Variants in TTLL7 observed in about 807,000 individuals in gnomAD.
The protein encoded by TTLL7 is tubulin polyglutamylase TTLL7.
In TTLL7, 53 loss-of-function variants were observed where a neutral mutation model predicts 120.2. The observed-to-expected ratio is 0.44, with a 90% CI of 0.35 to 0.55. The LOEUF is 0.55. Among genes scored for constraint, TTLL7 ranks in the 20% least tolerant of loss-of-function variants. The pLI is 0.00. For synonymous variants in TTLL7, 353 were observed against 351.7 expected, an observed-to-expected ratio of 1.00 and a Z score of -0.04; for missense variants, 803 against 1,054.7, an observed-to-expected ratio of 0.76 and a Z score of 3.31.
intron 14 of TTLL7, among the ~76,000 whole-genome samples, chr1:83,915,106 A>G (rs1658023953): frequency 6.6e-6 from 1 of 152,184 alleles, no homozygotes; most frequent in South Asian, 2.1e-4. Context: ...ACAGCGGTTC[A>G]GCTGAAATAG....
chr1:83,919,558 C>T, intron 13 of TTLL7, 141 bp downstream of exon 13: 1 of 736,442 alleles, frequency 1.4e-6, no homozygotes, highest in Non-Finnish European at 2.1e-6. Flanking sequence ...TGAAATGTTA[C>T]CAACTGTTAA....
intron 1 of TTLL7, among the ~76,000 whole-genome samples, chr1:83,986,331 T>C (rs1262317402): frequency 1.3e-5 from 2 of 152,192 alleles, no homozygotes; most frequent in African/African-American, 4.8e-5. Flanking sequence ...AATAAATCAA[T>C]GTAACCTACC....
At chr1:83,906,065 CTT>C (rs1224084094) in intron 17 of TTLL7, among the ~76,000 whole-genome samples, 1 of 151,970 alleles carries the variant, frequency 6.6e-6, no homozygotes, top group East Asian at 1.9e-4. Flanking sequence ...ATTATTCTGA[CTT>C]GATGAAGCAG....
rs931514427 is a variant in TTLL7, at chr1:83,948,327, A to G, written c.347+301T>C. On this transcript the variant is annotated intron_variant, in intron 5 of 20. Transcript: ENST00000260505. The stretch of plus-strand genomic sequence containing the variant: ...CATTTAAATGAAAAACTCTGTTACT[A>G]AAGAGGCAACAAGTTGCAGTAAAGA... Among the ~76,000 whole-genome samples the G allele has an allele frequency of 3.9e-5, 6 of 152,180 alleles. No individual in the cohort carries two copies. The South Asian group carries it at 1.0e-3, about 26-fold the overall frequency.
At chr1:83,882,661 T>C in intron 20 of TTLL7, 1 of 237,282 alleles carries the variant, frequency 4.2e-6, no homozygotes, top group Non-Finnish European at 8.1e-6. Flanking sequence ...AGAAGTTAAA[T>C]ATATTACCAC....
intron 1 of TTLL7, among the ~76,000 whole-genome samples, chr1:83,976,033 C>CTGTGTGTGTGTG (rs34596192): frequency 6.8e-6 from 1 of 147,834 alleles, no homozygotes; most frequent in Non-Finnish European, 1.5e-5. Context: ...TTGTCTCTCT[C>CTGTGTGTGTGTG]TGTGTGTGTG....
chr1:83,973,455 T>C (rs2100577092), intron 1 of TTLL7, among the ~76,000 whole-genome samples: 1 of 152,248 alleles, frequency 6.6e-6, no homozygotes. Context: ...AATACCATAC[T>C]GTTTCAATTG....
intron 1 of TTLL7, among the ~76,000 whole-genome samples, chr1:83,959,131 T>C (rs1193072788): frequency 6.6e-6 from 1 of 152,240 alleles, no homozygotes; most frequent in Non-Finnish European, 1.5e-5. Context: ...AATGCTGAAC[T>C]TGAGCATCAG....
intron 13 of TTLL7, 39 bp from the exon 14 acceptor site, chr1:83,917,729 G>T: frequency 1.5e-6 from 2 of 1,376,334 alleles, no homozygotes; most frequent in Admixed American, 3.6e-5. Flanking sequence ...AACCACTAAT[G>T]GACTCTAGAA....
At chr1:83,958,021 T>A (rs1420655693) in intron 1 of TTLL7, among the ~76,000 whole-genome samples, 1 of 152,212 alleles carries the variant, frequency 6.6e-6, no homozygotes, top group African/African-American at 2.4e-5. Context: ...AATTAAACTC[T>A]ATCCTGAGCT....
At chr1:83,886,564 G>A (rs1055662258) in intron 19 of TTLL7, among the ~76,000 whole-genome samples, 3 of 151,910 alleles carry the variant, frequency 2.0e-5, no homozygotes, top group Non-Finnish European at 2.9e-5. Flanking sequence ...AATAGACTAC[G>A]CCTTAGAATA....
intron 1 of TTLL7, among the ~76,000 whole-genome samples, chr1:83,996,028 T>C (rs1653446367): frequency 6.6e-6 from 1 of 152,108 alleles, no homozygotes; most frequent in African/African-American, 2.4e-5. Flanking sequence ...AATATAAAAG[T>C]AATATAGATA....
chr1:83,934,268 CAAGT>C (rs1647213019), intron 8 of TTLL7, among the ~76,000 whole-genome samples: 1 of 152,062 alleles, frequency 6.6e-6, no homozygotes, highest in South Asian at 2.1e-4. Context: ...ACTTTGTAAA[CAAGT>C]AAAACAAAGC....
At chr1:83,998,098 G>C (rs1182879701) in intron 1 of TTLL7, among the ~76,000 whole-genome samples, 3 of 152,054 alleles carry the variant, frequency 2.0e-5, no homozygotes, top group Non-Finnish European at 4.4e-5. Context: ...ATGTACACTT[G>C]GACACACTCC....
At chr1:83,976,094 CA>C (rs1215951547) in intron 1 of TTLL7, among the ~76,000 whole-genome samples, 1 of 149,568 alleles carries the variant, frequency 6.7e-6, no homozygotes, top group African/African-American at 2.5e-5. Flanking sequence ...TGTACTATGT[CA>C]AGAAGTAAAT....
intron 14 of TTLL7, among the ~76,000 whole-genome samples, chr1:83,915,012 G>A (rs558587413): frequency 2.0e-4 from 31 of 152,260 alleles, no homozygotes; most frequent in African/African-American, 6.7e-4. Context: ...CTCTATAAAA[G>A]TGTTATTTAT....
chr1:83,984,772 G>A (rs988314055), intron 1 of TTLL7, among the ~76,000 whole-genome samples: 6 of 152,168 alleles, frequency 3.9e-5, no homozygotes, highest in Admixed American at 3.3e-4. Flanking sequence ...GGGACTACTA[G>A]AGAGGGGAGA....
chr1:83,982,562 C>A (rs1019966311), intron 1 of TTLL7, among the ~76,000 whole-genome samples: 3 of 151,484 alleles, frequency 2.0e-5, no homozygotes, highest in South Asian at 2.1e-4. Context: ...TAGCCACACA[C>A]AAAAAAAATG....
At chr1:83,895,945 T>C (rs897886857) in intron 18 of TTLL7, among the ~76,000 whole-genome samples, 1 of 152,062 alleles carries the variant, frequency 6.6e-6, no homozygotes, top group Non-Finnish European at 1.5e-5. Context: ...AATAGTTTGT[T>C]TAGAAGGCTA....
Sources: allele counts gnomAD v4.1 joint callset (sites outside exome capture counted in the v4.1 genomes callset), GRCh38; gene constraint gnomAD v4.1.1; transcripts MANE v1.5; gene names NCBI Gene and HGNC (gene_info 2026-07-23, HGNC 2026-07-21).